CBR3: variants seen among roughly 807,000 people sequenced by gnomAD.
CBR3 encodes the protein carbonyl reductase [NADPH] 3.
A neutral mutation model predicts 11.6 loss-of-function variants in CBR3; 14 were observed. That is an observed-to-expected ratio of 1.20 (90% confidence interval 0.79 to 1.88). The LOEUF (loss-of-function observed/expected upper bound fraction) is 1.88. CBR3 is among the 40% of genes most tolerant of loss of function. The pLI, the probability that CBR3 is intolerant of heterozygous loss-of-function variation, is 0.00. For synonymous variants in CBR3, 125 were observed against 145.6 expected (o/e 0.86, Z 1.02); for missense variants, 308 against 357.3 (o/e 0.86, Z 1.11).
At chr21:36,144,512 A>G (rs1014734845) in intron 2 of CBR3, among the ~76,000 whole-genome samples, 13 of 148,598 alleles carry the variant, frequency 8.7e-5, no homozygotes, top group Non-Finnish European at 1.6e-4. Context: ...CTGTAATTCC[A>G]GCACTTTGGG....
At chr21:36,144,123 T>C (rs1465222562) in intron 2 of CBR3, among the ~76,000 whole-genome samples, 1 of 152,042 alleles carries the variant, frequency 6.6e-6, no homozygotes, top group Non-Finnish European at 1.5e-5. Context: ...GGTTTATAAG[T>C]ACTTGGAGTG....
rs754150327 is a variant in CBR3 at position 36,135,440 on chromosome 21, G to A, written c.248G>A (p.Gly83Glu). The change falls in exon 1 of 3, where the codon GGG (glycine) becomes GAG (glutamate). Residue 83 changes from glycine (G) to glutamate (E), a missense_variant. Transcript: ENST00000290354. ...GACTTCCTGCGCAAGGAGTACGGGGGGCTCAACGTACTGGTCAACAACGCG... is the reference window on the plus strand; with the variant it reads ...GACTTCCTGCGCAAGGAGTACGGGGAGCTCAACGTACTGGTCAACAACGCG... ...LRDFLRKEYG[G>E]LNVLVNNAAV... 6.2e-7 allele frequency: 1 copy of A among 1,613,616 alleles called. No homozygotes were observed. The highest frequency in any genetic ancestry group is 1.1e-5 in the South Asian group (1 of 91,064).
Position 36,135,114 on chromosome 21 carries a change from G to A in CBR3, c.-79G>A, listed in dbSNP as rs772147691. 7.5e-7 allele frequency: 1 copy of A among 1,336,796 alleles called. No homozygotes were observed. Among genetic ancestry groups the A allele is most frequent in the Non-Finnish European group, 9.7e-7 (1 of 1,025,696 alleles). 82.8% of individuals were successfully genotyped at this position (1,336,796 alleles called of 1,614,324 possible). A position where few individuals can be genotyped will look rare whatever the true frequency, so the allele number is the denominator to read the frequency against. ...CTGCGCGGCGGCATTGACACTAGCT[G>A]GGCTCCTCGGGGCGCGCCCCAGGTG... On this transcript the variant is annotated 5_prime_UTR_variant, in exon 1 of 3. Transcript: ENST00000290354.
chr21:36,142,618 G>C (rs941393530), intron 2 of CBR3, among the ~76,000 whole-genome samples: 19 of 151,964 alleles, frequency 1.3e-4, no homozygotes, highest in African/African-American at 4.4e-4. Context: ...GTAGGGGAAT[G>C]CCCTTGCTAC....
chr21:36,135,526 G>T, intron 1 of CBR3, 45 bp downstream of exon 1: 3 of 1,521,218 alleles, frequency 2.0e-6, no homozygotes, highest in Non-Finnish European at 2.7e-6. Context: ...CGCTCCGAGG[G>T]TGCGGAGGTG....
At chr21:36,140,274 G>T (rs569843030) in intron 2 of CBR3, among the ~76,000 whole-genome samples, 4 of 152,214 alleles carry the variant, frequency 2.6e-5, no homozygotes, top group East Asian at 3.9e-4. Flanking sequence ...ATCATAGAAA[G>T]CCTGCAGGGA....
intron 2 of CBR3, among the ~76,000 whole-genome samples, chr21:36,141,007 CAAA>C (rs1217520274): frequency 1.2e-3 from 69 of 56,200 alleles, no homozygotes; most frequent in Non-Finnish European, 2.0e-3. Context: ...CACTCCATCT[CAAA>C]AAAAAAAAAA....
In CBR3 at chr21:36,146,547, T is replaced by C. The variant is rs1168189093; in HGVS notation, c.*35T>C. On this transcript the variant is annotated 3_prime_UTR_variant, in exon 3 of 3. Transcript: ENST00000290354. The stretch of plus-strand genomic sequence containing the variant: ...TCGGAGCTTGCTGCTTAATAAATGT[T>C]GGTGGAATGAATGAATGAATTGATG... The C allele has an allele frequency of 6.6e-7, 1 of 1,514,166 alleles. No homozygotes were observed. The highest frequency in any genetic ancestry group is 8.9e-7 in the Non-Finnish European group (1 of 1,118,322). 93.8% of individuals were successfully genotyped at this position (1,514,166 alleles called of 1,614,324 possible).
intron 2 of CBR3, among the ~76,000 whole-genome samples, chr21:36,144,484 G>A (rs567111035): frequency 3.9e-4 from 58 of 148,368 alleles, no homozygotes; most frequent in African/African-American, 1.4e-3. Context: ...TTTTTAGGCC[G>A]GGTGTAGTGG....
chr21:36,135,542 C>G, intron 1 of CBR3, 61 bp downstream of exon 1: 1 of 1,459,772 alleles, frequency 6.9e-7, no homozygotes, highest in Non-Finnish European at 9.2e-7. Flanking sequence ...AGGTGGCCAG[C>G]CGCAGGCTCC....
intron 1 of CBR3, among the ~76,000 whole-genome samples, chr21:36,135,994 T>C (rs1218052017): frequency 2.0e-5 from 3 of 152,200 alleles, no homozygotes; most frequent in Non-Finnish European, 2.9e-5. Context: ...ATTTGTGTAA[T>C]GCAGAGCTTT....
intron 2 of CBR3, among the ~76,000 whole-genome samples, chr21:36,141,007 C>CAAAAAAAAAA: frequency 1.8e-5 from 1 of 56,216 alleles, no homozygotes; most frequent in Non-Finnish European, 3.4e-5. Flanking sequence ...CACTCCATCT[C>CAAAAAAAAAA]AAAAAAAAAA....
chr21:36,143,939 C>T (rs2065734507), intron 2 of CBR3, among the ~76,000 whole-genome samples: 1 of 151,384 alleles, frequency 6.6e-6, no homozygotes, highest in South Asian at 2.1e-4. Flanking sequence ...ACAGCCCATT[C>T]CACACGTGAA....
intron 2 of CBR3, among the ~76,000 whole-genome samples, chr21:36,143,705 C>T (rs2065731502): frequency 6.6e-6 from 1 of 151,782 alleles, no homozygotes; most frequent in Non-Finnish European, 1.5e-5. Context: ...CATGGAGAAA[C>T]CCCGTTTCTA....
At chr21:36,140,665 C>A (rs576243901) in intron 2 of CBR3, among the ~76,000 whole-genome samples, 2 of 152,110 alleles carry the variant, frequency 1.3e-5, no homozygotes, top group Non-Finnish European at 2.9e-5. Flanking sequence ...AAAAACTGAG[C>A]AAGTACAAGA....
At position 36,135,228 on chromosome 21, in the gene CBR3, G is replaced by A; in HGVS notation, c.36G>A (p.Gly12=). 1 of 1,546,732 alleles carries A rather than the reference G, an allele frequency of 6.5e-7. No individual in the cohort carries two copies. Among genetic ancestry groups the A allele is most frequent in the Non-Finnish European group, 8.7e-7 (1 of 1,147,704 alleles). ...GCAGCCGCGTGGCGCTGGTGACCGG[G>A]GCCAACAGGGGCATCGGCTTGGCCA... ...SSCSRVALVT[G]ANRGIGLAIA... Residue 12 remains glycine, a synonymous_variant, in exon 1 of 3, where the codon GGG becomes GGA. Coordinates refer to ENST00000290354, the MANE Select transcript of CBR3 (RefSeq NM_001236.4).
In CBR3 at chr21:36,146,202, T is replaced by C. The variant is rs1244252582; in HGVS notation, c.524T>C (p.Phe175Ser). ...EGDLVDLMKK[F>S]VEDTKNEVHE... ...GACCTGGTGGATCTCATGAAAAAGT[T>C]TGTGGAGGACACAAAAAATGAGGTG... The change falls in exon 3 of 3, where the codon TTT (phenylalanine) becomes TCT (serine). Residue 175 changes from phenylalanine (F) to serine (S), a missense_variant. By Grantham distance (155) the Phe-to-Ser change is radical. Transcript: ENST00000290354. The C allele has an allele frequency of 1.2e-6, 2 of 1,614,094 alleles. No individual in the cohort carries two copies. The highest frequency in any genetic ancestry group is 1.1e-5 in the South Asian group (1 of 91,076).
chr21:36,144,136 T>C (rs1187726209), intron 2 of CBR3, among the ~76,000 whole-genome samples: 1 of 151,950 alleles, frequency 6.6e-6, no homozygotes, highest in African/African-American at 2.4e-5. Flanking sequence ...TTGGAGTGTG[T>C]ATGCTGGGGA....
chr21:36,142,906 C>T (rs528775150), intron 2 of CBR3, among the ~76,000 whole-genome samples: 4 of 152,138 alleles, frequency 2.6e-5, no homozygotes, highest in African/African-American at 9.6e-5. Context: ...TGCTAGTTTC[C>T]AAGGACAGAG....
Sources: gnomAD v4.1 joint callset for allele counts (sites outside exome capture counted in the v4.1 genomes callset) on GRCh38, gnomAD v4.1.1 for gene constraint, MANE v1.5 for transcripts, NCBI Gene and HGNC (gene_info 2026-07-23, HGNC 2026-07-21) for gene names.